DIP2C: variants seen among roughly 807,000 people sequenced by gnomAD.
DIP2C encodes DIP2 acetate--CoA ligase C (putative).
DIP2C carries 33 observed loss-of-function variants against 192.4 expected under a neutral mutation model. The observed-to-expected ratio is 0.17, with a 90% CI of 0.13 to 0.23. The LOEUF (loss-of-function observed/expected upper bound fraction) is 0.23. Among genes scored for constraint, DIP2C ranks in the 10% least tolerant of loss-of-function variants. The pLI, the probability that DIP2C is intolerant of heterozygous loss-of-function variation, is 1.00. For missense variants in DIP2C, 1,537 were observed against 2,110.1 expected (o/e 0.73, Z 5.32); for synonymous variants, 979 against 864.1 (o/e 1.13, Z -2.33).
At chr10:596,447 GATC>G (rs988631547) in intron 1 of DIP2C, among the ~76,000 whole-genome samples, 33 of 119,314 alleles carry the variant, frequency 2.8e-4, no homozygotes, top group Non-Finnish European at 4.3e-4. Context: ...AGTGAGCCGA[GATC>G]ATGCCATTGC....
At chr10:581,148 C>G (rs565295638) in intron 1 of DIP2C, among the ~76,000 whole-genome samples, 1 of 152,284 alleles carries the variant, frequency 6.6e-6, no homozygotes, top group South Asian at 2.1e-4. Flanking sequence ...TTCCCCACCA[C>G]AAAGTGGACA....
intron 4 of DIP2C, among the ~76,000 whole-genome samples, chr10:436,253 T>C (rs1967186100): frequency 6.6e-6 from 1 of 152,244 alleles, no homozygotes; most frequent in African/African-American, 2.4e-5. Flanking sequence ...GATTGTTTGC[T>C]TAATATTGCA....
chr10:283,302 G>A lies in DIP2C; in HGVS notation c.4264C>T (p.Arg1422Trp). 1.9e-6 allele frequency: 3 copies of A among 1,613,918 alleles called. No individual in the cohort carries two copies. The highest frequency in any genetic ancestry group is 2.5e-6 in the Non-Finnish European group (3 of 1,179,904). The change falls in exon 35 of 37, where the codon CGG becomes TGG. Residue 1422 changes from arginine to tryptophan, a missense_variant. By Grantham distance (101) the Arg-to-Trp change is moderately radical. Transcript: ENST00000280886. The stretch of plus-strand genomic sequence containing the variant: ...TTTGCATCTGTGAGCTCAGTTCTCC[G>A]CAGGAACCCCAAGTAGCCTGTGCGT... ...WARTGYLGFL[R>W]RTELTDANGE...
intron 1 of DIP2C, among the ~76,000 whole-genome samples, chr10:601,413 C>T (rs1423668562): frequency 6.6e-6 from 1 of 152,212 alleles, no homozygotes; most frequent in African/African-American, 2.4e-5. Flanking sequence ...TTTTTGTAAT[C>T]TTACGGAGAA....
At chr10:464,244 CATCT>C (rs749075503) in intron 3 of DIP2C, among the ~76,000 whole-genome samples, 16 of 152,184 alleles carry the variant, frequency 1.1e-4, no homozygotes, top group African/African-American at 3.9e-4. Context: ...GCAATCCATC[CATCT>C]GACAAAGGGC....
chr10:434,056 T>C lies in DIP2C; in HGVS notation c.394+6815A>G, dbSNP rs550282252. 2.6e-5 allele frequency among the ~76,000 whole-genome samples: 4 copies of C among 152,340 alleles called. No individual in the cohort carries two copies. In the South Asian group the frequency reaches 8.3e-4, roughly 32 times the overall value. ...TTTCAAATGACACTATACTGCTTTC[T>C]GGATAATGCAAGCACACTATAAAAA... is the stretch of plus-strand genomic sequence containing the variant. On this transcript the variant is annotated intron_variant, in intron 4 of 36. Coordinates refer to ENST00000280886, the MANE Select transcript of DIP2C (RefSeq NM_014974.3).
intron 1 of DIP2C, among the ~76,000 whole-genome samples, chr10:601,916 G>A (rs955450836): frequency 7.2e-5 from 11 of 152,260 alleles, no homozygotes; most frequent in East Asian, 1.9e-4. Context: ...TGGCTAACAC[G>A]CGTTTTGTTC....
At chr10:488,423 T>A (rs1457197878) in intron 1 of DIP2C, among the ~76,000 whole-genome samples, 1 of 152,196 alleles carries the variant, frequency 6.6e-6, no homozygotes, top group Admixed American at 6.5e-5. Flanking sequence ...CAGATGAGAA[T>A]TTGAGGCACA....
chr10:395,211 A>G (rs1205469869), intron 10 of DIP2C, among the ~76,000 whole-genome samples: 2 of 151,616 alleles, frequency 1.3e-5, no homozygotes, highest in Admixed American at 6.6e-5. Context: ...TTGGAGGAAG[A>G]GGTTTTGAGA....
At chr10:422,702 G>C in intron 5 of DIP2C, 122 bp downstream of exon 5, 1 of 1,217,952 alleles carries the variant, frequency 8.2e-7, no homozygotes, top group Non-Finnish European at 1.1e-6. Context: ...GCACCCCAGG[G>C]GCCAGAGGAG....
At chr10:595,196 AAG>A (rs749666929) in intron 1 of DIP2C, among the ~76,000 whole-genome samples, 72 of 152,156 alleles carry the variant, frequency 4.7e-4, no homozygotes, top group Admixed American at 1.3e-4. Flanking sequence ...TCTCAAAACA[AAG>A]AAAATACTGT....
chr10:373,801 G>GAAAA (rs1225137451), intron 17 of DIP2C, among the ~76,000 whole-genome samples: 10 of 152,236 alleles, frequency 6.6e-5, no homozygotes, highest in Admixed American at 5.2e-4. Context: ...ATGCTTCAAA[G>GAAAA]AAAATGCTAA....
At chr10:438,020 A>G (rs1180310877) in intron 4 of DIP2C, 1 of 152,236 alleles carries the variant, frequency 6.6e-6, no homozygotes, top group Non-Finnish European at 1.5e-5. Context: ...TATGATATTG[A>G]TATTTATGAT....
chr10:484,969 A>G, intron 2 of DIP2C: 12 of 1,593,160 alleles, frequency 7.5e-6, no homozygotes, highest in Non-Finnish European at 1.0e-5. Flanking sequence ...TTGAAAAAAA[A>G]CTAATTAATT....
At chr10:603,329 AAAAAC>A (rs1426750936) in intron 1 of DIP2C, among the ~76,000 whole-genome samples, 27 of 125,992 alleles carry the variant, frequency 2.1e-4, no homozygotes, top group African/African-American at 6.8e-4. Flanking sequence ...AAAAAAAAAA[AAAAAC>A]CAACCATGAG....
At chr10:312,089 G>T (rs540513426) in intron 31 of DIP2C, among the ~76,000 whole-genome samples, 58 of 152,316 alleles carry the variant, frequency 3.8e-4, no homozygotes, top group African/African-American at 1.4e-3. Flanking sequence ...ACATGCATCT[G>T]AAGCCTGAAA....
At chr10:318,160 G>A (rs1280471570) in intron 31 of DIP2C, among the ~76,000 whole-genome samples, 2 of 152,170 alleles carry the variant, frequency 1.3e-5, no homozygotes, top group African/African-American at 4.8e-5. Context: ...AGGGGTGGGA[G>A]CAGCCACCGC....
chr10:413,171 C>T (rs1434519661), intron 8 of DIP2C, among the ~76,000 whole-genome samples: 2 of 152,200 alleles, frequency 1.3e-5, no homozygotes, highest in Non-Finnish European at 2.9e-5. Context: ...CTGAAGCAGA[C>T]AGAAAATAGC....
At chr10:530,243 C>G (rs2130855589) in intron 1 of DIP2C, among the ~76,000 whole-genome samples, 1 of 152,312 alleles carries the variant, frequency 6.6e-6, no homozygotes, top group Non-Finnish European at 1.5e-5. Flanking sequence ...AGATATTAAG[C>G]AGAGGACCAA....
Sources: allele counts gnomAD v4.1 joint callset (sites outside exome capture counted in the v4.1 genomes callset), GRCh38; gene constraint gnomAD v4.1.1; transcripts MANE v1.5; gene names NCBI Gene and HGNC (gene_info 2026-07-23, HGNC 2026-07-21).